The following NRXN3 variants were observed in gnomAD, a reference collection of about 807,000 sequenced individuals.
NRXN3 encodes the protein neurexin III.
Under a neutral mutation model 137.6 loss-of-function variants are expected in NRXN3, and 32 were observed. The ratio of observed to expected loss-of-function variants is 0.23; its 90% CI spans 0.18 to 0.31. The LOEUF is 0.31. Ranked by LOEUF, NRXN3 falls within the 10% of genes least tolerant of loss-of-function variation. NRXN3 has a pLI of 1.00. For synonymous variants in NRXN3, 798 were observed against 784.5 expected, an observed-to-expected ratio of 1.02 and a Z score of -0.29; for missense variants, 1,574 against 2,062.5, an observed-to-expected ratio of 0.76 and a Z score of 4.59.
intron 16 of NRXN3, among the ~76,000 whole-genome samples, chr14:79,499,781 A>C (rs146951207): frequency 0.011 from 1,750 of 152,296 alleles, 32 homozygotes; most frequent in African/African-American, 0.04. Context: ...GGGGACTAGA[A>C]TACCGAAAGA....
At chr14:78,577,994 A>G (rs2096954076) in intron 4 of NRXN3, among the ~76,000 whole-genome samples, 1 of 152,072 alleles carries the variant, frequency 6.6e-6, no homozygotes, top group South Asian at 2.1e-4. Flanking sequence ...GTTCACAGGG[A>G]AATAAAGAAT....
At chr14:79,066,133 C>A (rs182008054) in intron 15 of NRXN3, among the ~76,000 whole-genome samples, 158 of 151,896 alleles carry the variant, frequency 1.0e-3, no homozygotes, top group Admixed American at 2.9e-3. Context: ...TGGGATTTTA[C>A]ATTTTTTAAC....
At chr14:79,712,903 C>A (rs2154053622) in intron 19 of NRXN3, among the ~76,000 whole-genome samples, 1 of 152,220 alleles carries the variant, frequency 6.6e-6, no homozygotes, top group African/African-American at 2.4e-5. Context: ...CTATTTATTT[C>A]CTCATTTTCA....
At chr14:78,556,862 TCTCTTCTCCTCTCCTCTCCC>T (rs1322559824) in intron 4 of NRXN3, among the ~76,000 whole-genome samples, 5 of 146,544 alleles carry the variant, frequency 3.4e-5, no homozygotes, top group Admixed American at 6.8e-5. Context: ...TCTCCTCTCC[TCTCTTCTCCTCTCCTCTCCC>T]CTCTTCTCCT....
intron 4 of NRXN3, among the ~76,000 whole-genome samples, chr14:78,397,988 G>A (rs1185779611): frequency 6.7e-6 from 1 of 149,996 alleles, no homozygotes; most frequent in Non-Finnish European, 1.5e-5. Context: ...GCTGAGGTGG[G>A]CAGATCACCT....
At chr14:79,415,545 C>T (rs140926802) in intron 15 of NRXN3, among the ~76,000 whole-genome samples, 33 of 152,102 alleles carry the variant, frequency 2.2e-4, no homozygotes, top group African/African-American at 7.7e-4. Flanking sequence ...GTCCTGAAAC[C>T]AACCCCTGTG....
chr14:78,773,988 G>A (rs1394060967), intron 8 of NRXN3, among the ~76,000 whole-genome samples: 3 of 152,112 alleles, frequency 2.0e-5, no homozygotes, highest in African/African-American at 7.2e-5. Flanking sequence ...TTTTAGTAGA[G>A]ACGGAGTTTC....
intron 15 of NRXN3, among the ~76,000 whole-genome samples, chr14:79,438,908 T>C (rs1341287839): frequency 6.6e-6 from 1 of 152,258 alleles, no homozygotes; most frequent in Non-Finnish European, 1.5e-5. Context: ...GTACAGTTAG[T>C]CATGATTTGA....
chr14:79,737,102 A>G (rs1043391173), intron 19 of NRXN3, among the ~76,000 whole-genome samples: 2 of 152,248 alleles, frequency 1.3e-5, no homozygotes, highest in Non-Finnish European at 2.9e-5. Context: ...ACTTGCATAT[A>G]TTATTCCTTT....
intron 2 of NRXN3, among the ~76,000 whole-genome samples, chr14:78,261,696 A>G (rs572515236): frequency 6.6e-6 from 1 of 152,286 alleles, no homozygotes; most frequent in East Asian, 1.9e-4. Context: ...AAGCATCACA[A>G]TCCAACCTCC....
chr14:79,476,152 A>G (rs993637270), intron 16 of NRXN3, among the ~76,000 whole-genome samples: 3 of 152,144 alleles, frequency 2.0e-5, no homozygotes, highest in African/African-American at 7.2e-5. Flanking sequence ...GATGGATTTT[A>G]GATCCCTAGC....
At chr14:78,943,877 G>C (rs2099360141) in intron 10 of NRXN3, among the ~76,000 whole-genome samples, 1 of 151,460 alleles carries the variant, frequency 6.6e-6, no homozygotes, top group African/African-American at 2.4e-5. Context: ...TTTTCAAGGT[G>C]CCTCCAATCT....
At chr14:79,210,689 T>C (rs144117667) in intron 15 of NRXN3, among the ~76,000 whole-genome samples, 1 of 152,206 alleles carries the variant, frequency 6.6e-6, no homozygotes, top group Non-Finnish European at 1.5e-5. Flanking sequence ...TTAATAAACG[T>C]TCCTGACTTC....
At chr14:78,868,483 A>G (rs1240722029) in intron 10 of NRXN3, among the ~76,000 whole-genome samples, 1 of 152,186 alleles carries the variant, frequency 6.6e-6, no homozygotes, top group Non-Finnish European at 1.5e-5. Context: ...TTTAAATGCT[A>G]GATGGAGTTA....
chr14:79,191,675 T>C (rs2064337920), intron 15 of NRXN3, among the ~76,000 whole-genome samples: 1 of 152,194 alleles, frequency 6.6e-6, no homozygotes, highest in South Asian at 2.1e-4. Context: ...GCATGTGACA[T>C]ACGACTCTGA....
Position 79,645,141 on chromosome 14 carries a change from G to A in NRXN3, c.3445-18637G>A, listed in dbSNP as rs112065020. Among the ~76,000 whole-genome samples, 95 of 135,160 alleles carry A rather than the reference G, an allele frequency of 7.0e-4. 5 individuals carry two copies. The highest frequency in any genetic ancestry group is 2.3e-3 in the African/African-American group (94 of 40,844). 88.7% of individuals were successfully genotyped at this position (135,160 alleles called of 152,430 possible). ...CTTCCCTTATCACTTTAACTGAAAGGCAGACTTTCTTATTCCATATTTTTT... is the reference window on the plus strand; with the variant it reads ...CTTCCCTTATCACTTTAACTGAAAGACAGACTTTCTTATTCCATATTTTTT... On this transcript the variant is annotated intron_variant, in intron 16 of 20. Transcript: ENST00000335750.
At chr14:79,051,727 A>G (rs916243348) in intron 15 of NRXN3, among the ~76,000 whole-genome samples, 1 of 152,190 alleles carries the variant, frequency 6.6e-6, no homozygotes, top group Non-Finnish European at 1.5e-5. Flanking sequence ...CTCAGTTTAA[A>G]CTAGTAATTC....
At chr14:78,942,823 C>A (rs1489566059) in intron 10 of NRXN3, among the ~76,000 whole-genome samples, 4 of 152,090 alleles carry the variant, frequency 2.6e-5, no homozygotes, top group Non-Finnish European at 4.4e-5. Context: ...ATGCTAATCA[C>A]CCTGATCTGA....
intron 16 of NRXN3, among the ~76,000 whole-genome samples, chr14:79,656,527 T>C (rs1464482910): frequency 1.3e-5 from 2 of 152,112 alleles, no homozygotes; most frequent in Non-Finnish European, 2.9e-5. Flanking sequence ...CTTATTTACT[T>C]GCATCGGCTG....
Sources: allele counts gnomAD v4.1 joint callset (sites outside exome capture counted in the v4.1 genomes callset), GRCh38; gene constraint gnomAD v4.1.1; transcripts MANE v1.5; gene names NCBI Gene and HGNC (gene_info 2026-07-23, HGNC 2026-07-21).